BMP2K: variants seen among roughly 807,000 people sequenced by gnomAD.
The protein encoded by BMP2K is BMP2 inducible kinase.
BMP2K carries 74 observed loss-of-function variants against 116.0 expected under a neutral mutation model. The observed-to-expected ratio is 0.64, with a 90% CI of 0.53 to 0.77. The LOEUF (loss-of-function observed/expected upper bound fraction) is 0.77. Among genes scored for constraint, BMP2K ranks in the 30% least tolerant of loss-of-function variants. BMP2K has a pLI of 0.00. For synonymous variants in BMP2K, 486 were observed against 502.5 expected (o/e 0.97, Z 0.44); for missense variants, 1,365 against 1,403.6 (o/e 0.97, Z 0.44).
chr4:78,802,590 A>G (rs1275081045), intron 1 of BMP2K, among the ~76,000 whole-genome samples: 3 of 152,174 alleles, frequency 2.0e-5, no homozygotes, highest in African/African-American at 4.8e-5. Context: ...TTTAATAGTT[A>G]TATCTTTAAG....
At chr4:78,831,091 C>T (rs1005138702) in intron 2 of BMP2K, among the ~76,000 whole-genome samples, 2 of 152,162 alleles carry the variant, frequency 1.3e-5, no homozygotes, top group African/African-American at 2.4e-5. Flanking sequence ...TTGTGGGACT[C>T]TTCAGTATTG....
chr4:78,890,663 G>A (rs997193971), intron 15 of BMP2K, among the ~76,000 whole-genome samples: 13 of 152,104 alleles, frequency 8.5e-5, no homozygotes, highest in Non-Finnish European at 4.4e-5. Flanking sequence ...TCATTTAGAA[G>A]TGTAAATTTC....
intron 2 of BMP2K, among the ~76,000 whole-genome samples, chr4:78,830,066 G>A (rs1386658695): frequency 3.3e-5 from 5 of 151,952 alleles, no homozygotes; most frequent in South Asian, 2.1e-4. Context: ...TAGTAGAGTC[G>A]GGGTTTCACC....
chr4:78,873,650 C>T (rs1356292188), intron 13 of BMP2K, among the ~76,000 whole-genome samples: 1 of 148,118 alleles, frequency 6.8e-6, no homozygotes. Context: ...TAGAATGCCT[C>T]CCAACCTCTG....
At chr4:78,829,036 G>A (rs575290114) in intron 2 of BMP2K, among the ~76,000 whole-genome samples, 2 of 152,302 alleles carry the variant, frequency 1.3e-5, no homozygotes, top group South Asian at 2.1e-4. Context: ...CATGCTTAGC[G>A]TTCCAATAAT....
chr4:78,854,998 A>G (rs974477668), intron 7 of BMP2K, among the ~76,000 whole-genome samples: 3 of 152,128 alleles, frequency 2.0e-5, no homozygotes, highest in Admixed American at 6.6e-5. Context: ...GAGCTTTTCA[A>G]TCACTGGCTC....
intron 1 of BMP2K, among the ~76,000 whole-genome samples, chr4:78,818,635 A>G (rs1345960198): frequency 6.6e-6 from 1 of 152,220 alleles, no homozygotes; most frequent in East Asian, 1.9e-4. Flanking sequence ...TTACACTTTT[A>G]TCCACATATG....
chr4:78,784,421 G>C (rs1727643263), intron 1 of BMP2K, among the ~76,000 whole-genome samples: 1 of 152,168 alleles, frequency 6.6e-6, no homozygotes, highest in Non-Finnish European at 1.5e-5. Context: ...GCTATTTTTA[G>C]GGGACTAAGT....
chr4:78,857,672 A>G (rs1289544780), intron 7 of BMP2K, among the ~76,000 whole-genome samples: 1 of 152,116 alleles, frequency 6.6e-6, no homozygotes, highest in African/African-American at 2.4e-5. Context: ...CCATACTGAT[A>G]GCGTGTTTAA....
intron 1 of BMP2K, among the ~76,000 whole-genome samples, chr4:78,796,481 A>G (rs1228923257): frequency 6.6e-6 from 1 of 151,920 alleles, no homozygotes; most frequent in Non-Finnish European, 1.5e-5. Flanking sequence ...GCACATGTAT[A>G]CATATGTAAC....
At chr4:78,815,552 G>A (rs1729298243) in intron 1 of BMP2K, among the ~76,000 whole-genome samples, 3 of 152,026 alleles carry the variant, frequency 2.0e-5, no homozygotes, top group African/African-American at 4.8e-5. Flanking sequence ...GAGAGAAATC[G>A]CCTGGGGAAA....
chr4:78,911,153 A>G lies in BMP2K; in HGVS notation c.2606A>G (p.Gln869Arg). ...GAVPFFAVRA[Q>R]QPQQEKNEKN... ...GTCCCCTTCTTTGCAGTGCGTGCTC[A>G]ACAGCCCCAGCAAGAAAAGAATGAA... is the stretch of plus-strand genomic sequence containing the variant. The change falls in exon 16 of 16, where the codon CAA becomes CGA. Residue 869 changes from glutamine to arginine, a missense_variant. Coordinates refer to ENST00000502613, the MANE Select transcript of BMP2K (RefSeq NM_198892.2). 1 of 1,613,958 alleles carries G rather than the reference A, an allele frequency of 6.2e-7. No homozygotes were observed. The highest frequency in any genetic ancestry group is 8.5e-7 in the Non-Finnish European group (1 of 1,179,866).
At chr4:78,851,121 T>C (rs1478498093) in intron 7 of BMP2K, 65 bp downstream of exon 7, 1 of 1,365,902 alleles carries the variant, frequency 7.3e-7, no homozygotes, top group Non-Finnish European at 9.7e-7. Context: ...ACTATTTACA[T>C]TCCTTTACTT....
intron 9 of BMP2K, among the ~76,000 whole-genome samples, chr4:78,864,023 G>C (rs932139451): frequency 6.6e-6 from 1 of 152,094 alleles, no homozygotes. Flanking sequence ...TTTGAAGACA[G>C]GGTGTTATGC....
chr4:78,859,477 T>A, intron 7 of BMP2K, 107 bp from the exon 8 acceptor site: 1 of 669,934 alleles, frequency 1.5e-6, no homozygotes, highest in Non-Finnish European at 2.4e-6. Flanking sequence ...TCATCACTGA[T>A]CTTAGAGTGG....
At chr4:78,844,904 C>T in intron 4 of BMP2K, 24 bp from the exon 5 acceptor site, 1 of 1,554,668 alleles carries the variant, frequency 6.4e-7, no homozygotes, top group South Asian at 1.1e-5. Flanking sequence ...AAATACTACT[C>T]ATTATTGATT....
intron 3 of BMP2K, among the ~76,000 whole-genome samples, chr4:78,841,991 T>G (rs1730781509): frequency 6.6e-6 from 1 of 152,090 alleles, no homozygotes; most frequent in Non-Finnish European, 1.5e-5. Flanking sequence ...TATATCTATT[T>G]GTGTGATTGC....
chr4:78,854,352 C>A (rs1345833459), intron 7 of BMP2K, among the ~76,000 whole-genome samples: 1 of 151,992 alleles, frequency 6.6e-6, no homozygotes, highest in Non-Finnish European at 1.5e-5. Context: ...TGGCTCACTA[C>A]AACCTCTGCC....
intron 9 of BMP2K, among the ~76,000 whole-genome samples, chr4:78,863,268 A>G (rs1211965358): frequency 6.6e-6 from 1 of 152,130 alleles, no homozygotes; most frequent in Non-Finnish European, 1.5e-5. Context: ...ATCTAAATGT[A>G]TACAAAGCTT....
Sources: allele counts gnomAD v4.1 joint callset (sites outside exome capture counted in the v4.1 genomes callset), GRCh38; gene constraint gnomAD v4.1.1; transcripts MANE v1.5; gene names NCBI Gene and HGNC (gene_info 2026-07-23, HGNC 2026-07-21).